OSBPL1A: variants seen among roughly 807,000 people sequenced by gnomAD.
OSBPL1A encodes the protein oxysterol binding protein like 1A.
A neutral mutation model predicts 137.1 loss-of-function variants in OSBPL1A; 80 were observed. The observed-to-expected ratio is 0.58, with a 90% CI of 0.49 to 0.70. The LOEUF (loss-of-function observed/expected upper bound fraction) is 0.70. Ranked by LOEUF, OSBPL1A falls within the 30% of genes least tolerant of loss-of-function variation. The pLI, the probability that OSBPL1A is intolerant of heterozygous loss-of-function variation, is 0.00. For synonymous variants in OSBPL1A, 365 were observed against 389.7 expected (o/e 0.94, Z 0.75); for missense variants, 970 against 1,129.4 (o/e 0.86, Z 2.02).
chr18:24,372,406 T>C (rs1033423589), intron 2 of OSBPL1A, among the ~76,000 whole-genome samples: 16 of 152,200 alleles, frequency 1.1e-4, no homozygotes, highest in Admixed American at 9.2e-4. Flanking sequence ...GACATCTCCA[T>C]TGGGCTGGGC....
At chr18:24,195,847 T>C in intron 18 of OSBPL1A, 1 of 389,516 alleles carries the variant, frequency 2.6e-6, no homozygotes, top group Non-Finnish European at 4.7e-6. Context: ...TCTAGGTAAG[T>C]CTATGGGGCA....
At chr18:24,293,223 G>T (rs1457412156) in intron 14 of OSBPL1A, among the ~76,000 whole-genome samples, 1 of 151,944 alleles carries the variant, frequency 6.6e-6, no homozygotes, top group Non-Finnish European at 1.5e-5. Flanking sequence ...AGAGACTGGC[G>T]TGCGGGACAC....
In OSBPL1A at chr18:24,354,262, T is replaced by A. The variant is rs1053983440; in HGVS notation, c.283-12604A>T. ...AACTAGGATGGAGGCTAGACCCAGA[T>A]AACAGAGAACCCCCAGCTCACATCC... On this transcript the variant is annotated intron_variant, in intron 4 of 27. Coordinates refer to ENST00000319481, the MANE Select transcript of OSBPL1A (RefSeq NM_080597.4). Among the ~76,000 whole-genome samples the A allele has an allele frequency of 3.9e-5, 6 of 152,036 alleles. No homozygotes were observed. The South Asian group carries it at 1.2e-3, about 32-fold the overall frequency.
intron 11 of OSBPL1A, among the ~76,000 whole-genome samples, chr18:24,314,880 C>T (rs1460291426): frequency 6.6e-6 from 1 of 152,094 alleles, no homozygotes; most frequent in African/African-American, 2.4e-5. Flanking sequence ...AAAAATCAGA[C>T]CTTGGCGATG....
At chr18:24,321,339 T>C (rs2632436) in intron 7 of OSBPL1A, among the ~76,000 whole-genome samples, 3,572 of 152,288 alleles carry the variant, frequency 0.023, 141 homozygotes, top group African/African-American at 0.082. Context: ...TTACAACAGT[T>C]CAACTTAATG....
chr18:24,172,280 C>CT (rs2086307473), intron 22 of OSBPL1A, 96 bp downstream of exon 22: 1 of 921,926 alleles, frequency 1.1e-6, no homozygotes, highest in African/African-American at 1.7e-5. Context: ...TGTTCTAGAG[C>CT]TTTTCTTTAA....
At chr18:24,377,285 T>G in intron 2 of OSBPL1A, 128 bp downstream of exon 2, 1 of 1,154,706 alleles carries the variant, frequency 8.7e-7, no homozygotes, top group South Asian at 1.9e-5. Context: ...TCCTCCAATC[T>G]GTGGGGTTCT....
chr18:24,299,490 C>T (rs1023425264), intron 14 of OSBPL1A, among the ~76,000 whole-genome samples: 3 of 152,008 alleles, frequency 2.0e-5, no homozygotes, highest in African/African-American at 4.8e-5. Context: ...CTTCATTTAT[C>T]AAACTTAGTT....
At chr18:24,380,048 G>C (rs1203157844) in intron 1 of OSBPL1A, among the ~76,000 whole-genome samples, 1 of 152,176 alleles carries the variant, frequency 6.6e-6, no homozygotes, top group East Asian at 1.9e-4. Context: ...GAATCAGAAT[G>C]ATTTTGACTT....
chr18:24,385,019 A>G (rs951383732), intron 1 of OSBPL1A, among the ~76,000 whole-genome samples: 1 of 150,828 alleles, frequency 6.6e-6, no homozygotes, highest in African/African-American at 2.4e-5. Flanking sequence ...CAGTGGCACA[A>G]TCTCGACTCA....
intron 14 of OSBPL1A, among the ~76,000 whole-genome samples, chr18:24,286,412 T>C (rs938622118): frequency 7.9e-5 from 12 of 152,180 alleles, no homozygotes; most frequent in African/African-American, 2.9e-4. Flanking sequence ...ACTGAAGAAG[T>C]ACCTCTGACC....
At chr18:24,377,768 C>T (rs1478609326) in intron 1 of OSBPL1A, among the ~76,000 whole-genome samples, 1 of 152,126 alleles carries the variant, frequency 6.6e-6, no homozygotes, top group Non-Finnish European at 1.5e-5. Flanking sequence ...CTTCTTAAGG[C>T]CTTAGTTTCC....
intron 1 of OSBPL1A, among the ~76,000 whole-genome samples, chr18:24,386,058 C>T (rs1337130611): frequency 1.3e-5 from 2 of 152,052 alleles, no homozygotes; most frequent in Non-Finnish European, 2.9e-5. Flanking sequence ...AGGGGGAGAG[C>T]TCCTATCTGA....
intron 21 of OSBPL1A, 117 bp downstream of exon 21, chr18:24,177,896 G>A (rs2086490663): frequency 2.7e-5 from 27 of 1,012,298 alleles, no homozygotes; most frequent in Non-Finnish European, 7.2e-6. Context: ...AGTTTGCACT[G>A]TATGAAAGCT....
chr18:24,376,371 A>T (rs1963671332), intron 2 of OSBPL1A, among the ~76,000 whole-genome samples: 1 of 152,208 alleles, frequency 6.6e-6, no homozygotes, highest in South Asian at 2.1e-4. Flanking sequence ...TGCATTCACA[A>T]ACCCTGAACT....
chr18:24,383,334 T>C (rs1454502141), intron 1 of OSBPL1A, among the ~76,000 whole-genome samples: 1 of 152,242 alleles, frequency 6.6e-6, no homozygotes, highest in Non-Finnish European at 1.5e-5. Context: ...CAAAAAATGT[T>C]TGAAGTATCT....
chr18:24,222,710 G>A (rs1191627055), intron 17 of OSBPL1A, among the ~76,000 whole-genome samples: 2 of 152,090 alleles, frequency 1.3e-5, no homozygotes, highest in African/African-American at 2.4e-5. Context: ...GGTTGAAAAC[G>A]CTTGTTCTAT....
chr18:24,347,842 A>G (rs956629154), intron 4 of OSBPL1A: 5 of 46,576 alleles, frequency 1.1e-4, no homozygotes, highest in Non-Finnish European at 1.8e-4. Flanking sequence ...ACTCCATCTG[A>G]AAAAAAAAAA....
intron 7 of OSBPL1A, among the ~76,000 whole-genome samples, chr18:24,322,291 T>G (rs1031682379): frequency 2.2e-4 from 17 of 78,778 alleles, no homozygotes; most frequent in Non-Finnish European, 2.8e-4. Flanking sequence ...TTGTATTTGT[T>G]TTTTTTTTTT....
Sources: allele counts gnomAD v4.1 joint callset (sites outside exome capture counted in the v4.1 genomes callset), GRCh38; gene constraint gnomAD v4.1.1; transcripts MANE v1.5; gene names NCBI Gene and HGNC (gene_info 2026-07-23, HGNC 2026-07-21).